CD2AP: variants seen among roughly 807,000 people sequenced by gnomAD.
CD2AP encodes the protein CD2 associated protein, also known as CD2-associated protein.
A neutral mutation model predicts 85.1 loss-of-function variants in CD2AP; 46 were observed. That is an observed-to-expected ratio of 0.54 (90% CI 0.43 to 0.69). The LOEUF is 0.69. CD2AP is among the 30% of genes least tolerant of loss of function. The pLI, the probability that CD2AP is intolerant of heterozygous loss-of-function variation, is 0.00. For synonymous variants in CD2AP, 255 were observed against 252.9 expected (o/e 1.01, Z -0.08); for missense variants, 769 against 729.5 (o/e 1.05, Z -0.62).
intron 2 of CD2AP, among the ~76,000 whole-genome samples, chr6:47,530,702 A>C (rs1173051413): frequency 1.3e-5 from 2 of 152,200 alleles, no homozygotes; most frequent in African/African-American, 2.4e-5. Flanking sequence ...TCTCTTGTTA[A>C]CATTTGTATG....
chr6:47,622,956 C>T (rs1769799888), intron 17 of CD2AP, among the ~76,000 whole-genome samples: 1 of 152,194 alleles, frequency 6.6e-6, no homozygotes, highest in Non-Finnish European at 1.5e-5. Flanking sequence ...TTCACACTCC[C>T]TACTCCCTCT....
rs769409950 is a variant in CD2AP, at chr6:47,576,582, A to T, written c.788A>T (p.Asp263Val). 1 of 1,611,188 alleles carries T rather than the reference A, an allele frequency of 6.2e-7. No homozygotes were observed. The highest frequency in any genetic ancestry group is 1.7e-5 in the Admixed American group (1 of 60,018). The change falls in exon 7 of 18, where the codon GAT becomes GTT. Residue 263 changes from aspartate (D) to valine (V), a missense_variant. Coordinates refer to ENST00000359314, the MANE Select transcript of CD2AP (RefSeq NM_012120.3). Reference protein sequence around the residue: ...KTQSVEITKTDTEGKIKAKEY... With the variant: ...KTQSVEITKTVTEGKIKAKEY... The stretch of plus-strand genomic sequence containing the variant: ...CAGAGTGTGGAGATAACAAAAACAG[A>T]TACCGAAGGTAAAATTAAAGGTATG...
chr6:47,557,464 AC>A (rs1767728130), intron 5 of CD2AP, among the ~76,000 whole-genome samples: 1 of 152,162 alleles, frequency 6.6e-6, no homozygotes, highest in African/African-American at 2.4e-5. Flanking sequence ...TTTAGGTCTT[AC>A]GTTTAAATCT....
intron 2 of CD2AP, among the ~76,000 whole-genome samples, chr6:47,511,478 A>C (rs1346599380): frequency 6.6e-6 from 1 of 152,224 alleles, no homozygotes; most frequent in Non-Finnish European, 1.5e-5. Context: ...GGAAAAATTG[A>C]TTAAATCCAT....
chr6:47,606,410 G>A, intron 14 of CD2AP, 133 bp downstream of exon 14: 1 of 683,270 alleles, frequency 1.5e-6, no homozygotes, highest in Non-Finnish European at 2.7e-6. Context: ...GGCAAATGCT[G>A]GTATTTAAGG....
intron 9 of CD2AP, chr6:47,579,693 G>T (rs937678642): frequency 3.2e-5 from 17 of 536,226 alleles, no homozygotes; most frequent in East Asian, 6.6e-5. Flanking sequence ...TTTCTTTCTC[G>T]ACTGTACTGA....
At chr6:47,606,597 A>G (rs1482047031) in intron 14 of CD2AP, among the ~76,000 whole-genome samples, 1 of 152,082 alleles carries the variant, frequency 6.6e-6, no homozygotes, top group Non-Finnish European at 1.5e-5. Context: ...GCAGATACTC[A>G]CTTTAGGAAA....
chr6:47,543,326 T>G (rs1228766680), intron 3 of CD2AP, among the ~76,000 whole-genome samples: 1 of 152,090 alleles, frequency 6.6e-6, no homozygotes, highest in African/African-American at 2.4e-5. Flanking sequence ...GAATAGGGTA[T>G]TCCATTTTCA....
chr6:47,520,730 GTTTTTTT>G (rs35163088), intron 2 of CD2AP, among the ~76,000 whole-genome samples: 6 of 86,362 alleles, frequency 6.9e-5, no homozygotes, highest in African/African-American at 2.7e-4. Flanking sequence ...TGGTGCTACA[GTTTTTTT>G]TTTTTTTTTT....
intron 17 of CD2AP, among the ~76,000 whole-genome samples, chr6:47,622,228 C>T (rs1020519570): frequency 3.9e-5 from 6 of 152,136 alleles, no homozygotes; most frequent in Non-Finnish European, 8.8e-5. Context: ...AGACAGTGGG[C>T]GAGATGGGCT....
Position 47,597,584 on chromosome 6 carries a change from C to T in CD2AP, c.1274+1558C>T, listed in dbSNP as rs933383819. On this transcript the variant is annotated intron_variant, in intron 12 of 17. Coordinates refer to ENST00000359314, the MANE Select transcript of CD2AP (RefSeq NM_012120.3). ...AGCTGGAGGAACAGCAGATGATGAT[C>T]CAGGAGCAGATGTGCCAGGAACTTG... 2.7e-5 allele frequency among the ~76,000 whole-genome samples: 4 copies of T among 150,820 alleles called. 1 individual carries two copies. Among genetic ancestry groups the T allele is most frequent in the African/African-American group, 9.7e-5 (4 of 41,262 alleles).
intron 17 of CD2AP, among the ~76,000 whole-genome samples, chr6:47,613,464 G>T (rs552621590): frequency 1.2e-4 from 19 of 152,044 alleles, no homozygotes; most frequent in African/African-American, 4.6e-4. Context: ...GTTCTTGGGT[G>T]ACTAAGGGCA....
At chr6:47,527,855 T>C (rs1443346279) in intron 2 of CD2AP, among the ~76,000 whole-genome samples, 1 of 152,190 alleles carries the variant, frequency 6.6e-6, no homozygotes, top group Non-Finnish European at 1.5e-5. Flanking sequence ...ACATGGGAGT[T>C]CAGAGTCAAG....
chr6:47,568,183 T>A (rs1327865065), intron 5 of CD2AP, among the ~76,000 whole-genome samples: 1 of 152,220 alleles, frequency 6.6e-6, no homozygotes, highest in African/African-American at 2.4e-5. Context: ...TGGGAGATGA[T>A]GATGTATCGT....
At chr6:47,560,299 C>T (rs1767820840) in intron 5 of CD2AP, among the ~76,000 whole-genome samples, 1 of 152,094 alleles carries the variant, frequency 6.6e-6, no homozygotes, top group African/African-American at 2.4e-5. Flanking sequence ...AACTACAGTA[C>T]AGTTATCAAA....
intron 5 of CD2AP, among the ~76,000 whole-genome samples, chr6:47,560,139 T>G (rs1767814507): frequency 6.6e-6 from 1 of 152,130 alleles, no homozygotes; most frequent in African/African-American, 2.4e-5. Flanking sequence ...CAAAGACCTC[T>G]CTTAGATCCT....
At chr6:47,545,413 A>G (rs1270735697) in intron 4 of CD2AP, among the ~76,000 whole-genome samples, 7 of 151,912 alleles carry the variant, frequency 4.6e-5, no homozygotes, top group African/African-American at 1.7e-4. Context: ...GTCCTTTCCT[A>G]CCCACCCTAG....
At chr6:47,556,055 CT>C (rs75174694) in intron 5 of CD2AP, among the ~76,000 whole-genome samples, 35,589 of 129,878 alleles carry the variant, frequency 0.27, 4,803 homozygotes, top group East Asian at 0.6. Context: ...TTTTCCTTTT[CT>C]TTTTTTTTTT....
At chr6:47,507,375 TG>T (rs1446956678) in intron 2 of CD2AP, among the ~76,000 whole-genome samples, 2 of 152,232 alleles carry the variant, frequency 1.3e-5, no homozygotes, top group Admixed American at 1.3e-4. Context: ...GCTTCTAGAA[TG>T]GTGACTCTAG....
Sources: allele counts gnomAD v4.1 joint callset (sites outside exome capture counted in the v4.1 genomes callset), GRCh38; gene constraint gnomAD v4.1.1; transcripts MANE v1.5; gene names NCBI Gene and HGNC (gene_info 2026-07-23, HGNC 2026-07-21).